RNF216: variants seen among roughly 807,000 people sequenced by gnomAD.
The protein encoded by RNF216 is ring finger protein 216, also known as E3 ubiquitin-protein ligase RNF216.
In RNF216, 72 loss-of-function variants were observed where a neutral mutation model predicts 110.8. The ratio of observed to expected loss-of-function variants is 0.65; its 90% CI spans 0.54 to 0.79. RNF216 has a LOEUF of 0.79. Among genes scored for constraint, RNF216 ranks in the 30% least tolerant of loss-of-function variants. The pLI, the probability that RNF216 is intolerant of heterozygous loss-of-function variation, is 0.00. For missense variants in RNF216, 1,342 were observed against 1,141.2 expected (o/e 1.18, Z -2.54); for synonymous variants, 495 against 407.5 (o/e 1.21, Z -2.59).
chr7:5,769,411 T>G (rs62455878), intron 1 of RNF216, among the ~76,000 whole-genome samples: 5 of 151,936 alleles, frequency 3.3e-5, no homozygotes, highest in Admixed American at 1.3e-4. Flanking sequence ...CCACCGCGCC[T>G]GGCCGCAAAT....
At chr7:5,639,498 T>C (rs927580062) in intron 15 of RNF216, among the ~76,000 whole-genome samples, 3 of 151,922 alleles carry the variant, frequency 2.0e-5, no homozygotes, top group Non-Finnish European at 4.4e-5. Flanking sequence ...GAGTCTCACA[T>C]TGTCACCCAG....
At chr7:5,640,591 T>A (rs1787678201) in intron 15 of RNF216, among the ~76,000 whole-genome samples, 1 of 152,188 alleles carries the variant, frequency 6.6e-6, no homozygotes, top group Admixed American at 6.5e-5. Context: ...AAAGCTTAAA[T>A]CAAGAAGAAA....
At chr7:5,733,149 G>C (rs190251184) in intron 5 of RNF216, 108 of 152,328 alleles carry the variant, frequency 7.1e-4, no homozygotes, top group African/African-American at 2.5e-3. Flanking sequence ...TTTAGTTGTG[G>C]AGTTAACACT....
At chr7:5,688,712 T>C (rs868767674) in intron 13 of RNF216, among the ~76,000 whole-genome samples, 1 of 152,172 alleles carries the variant, frequency 6.6e-6, no homozygotes, top group South Asian at 2.1e-4. Context: ...TCCATACTTA[T>C]TATCAGGCTT....
At chr7:5,753,395 A>G (rs1795435745) in intron 2 of RNF216, among the ~76,000 whole-genome samples, 1 of 152,168 alleles carries the variant, frequency 6.6e-6, no homozygotes, top group Non-Finnish European at 1.5e-5. Flanking sequence ...TAAAATTTTA[A>G]TTGTTTAAAA....
At chr7:5,769,763 G>A (rs1359585262) in intron 1 of RNF216, among the ~76,000 whole-genome samples, 3 of 151,648 alleles carry the variant, frequency 2.0e-5, no homozygotes, top group East Asian at 1.9e-4. Flanking sequence ...TCGGCCAGGC[G>A]TGGTGACTCA....
intron 13 of RNF216, among the ~76,000 whole-genome samples, chr7:5,671,741 G>A (rs1182686903): frequency 6.9e-6 from 1 of 145,744 alleles, no homozygotes; most frequent in African/African-American, 2.6e-5. Context: ...GAAGGCGGAG[G>A]TTGCAGTGAG....
chr7:5,765,968 GA>G (rs774023078), intron 1 of RNF216, among the ~76,000 whole-genome samples: 1 of 44,944 alleles, frequency 2.2e-5, no homozygotes, highest in Admixed American at 2.4e-4. Flanking sequence ...AAAAAAAAAA[GA>G]AAGAAAGAAA....
rs1020071690 is a variant in RNF216 at position 5,774,327 on chromosome 7, A to G, written c.-70+7214T>C. Among the ~76,000 whole-genome samples the G allele has an allele frequency of 3.3e-5, 5 of 152,326 alleles. No homozygotes were observed. In the South Asian group the frequency reaches 8.3e-4, roughly 25 times the overall value. The stretch of plus-strand genomic sequence containing the variant: ...TGGCATGTGCCCAAGTCCCAGCTTT[A>G]CTGTGGTTGCTGAAGCAAGAGAATC... On this transcript the variant is annotated intron_variant, in intron 1 of 16. Transcript: ENST00000389902.
At chr7:5,781,150 GCTC>G (rs1388488239) in intron 1 of RNF216, among the ~76,000 whole-genome samples, 2 of 151,914 alleles carry the variant, frequency 1.3e-5, no homozygotes, top group Non-Finnish European at 2.9e-5. Flanking sequence ...GCCTCCCGCC[GCTC>G]CTCCAGGCCG....
chr7:5,673,948 C>T (rs762438805), intron 13 of RNF216, among the ~76,000 whole-genome samples: 4 of 150,598 alleles, frequency 2.7e-5, no homozygotes, highest in Non-Finnish European at 5.9e-5. Flanking sequence ...GCAACATCTG[C>T]CTCTTGGGCT....
chr7:5,757,848 T>C (rs4720642), intron 2 of RNF216, among the ~76,000 whole-genome samples: 124,828 of 152,164 alleles, frequency 0.82, 53,019 homozygotes, highest in Non-Finnish European at 0.92. Context: ...CAGAGGTTGA[T>C]GCATAATAAA....
chr7:5,656,157 T>C (rs1189932155), intron 13 of RNF216, among the ~76,000 whole-genome samples: 1 of 152,144 alleles, frequency 6.6e-6, no homozygotes, highest in African/African-American at 2.4e-5. Flanking sequence ...TAATCCCAGC[T>C]ACTCTGGAAG....
chr7:5,711,907 T>A (rs1562418066), intron 12 of RNF216, 68 bp from the exon 13 acceptor site: 2 of 1,386,244 alleles, frequency 1.4e-6, no homozygotes, highest in Non-Finnish European at 2.0e-6. Flanking sequence ...CAGCTCCATG[T>A]GGCTGTTCAT....
At chr7:5,686,224 TAAAAAAAAAAAAA>T (rs71971690) in intron 13 of RNF216, among the ~76,000 whole-genome samples, 1 of 111,632 alleles carries the variant, frequency 9.0e-6, no homozygotes, top group Non-Finnish European at 1.8e-5. Context: ...ACTCTGTTAT[TAAAAAAAAAAAAA>T]AAAAAAAAAA....
Position 5,649,051 on chromosome 7 carries a change from G to C in RNF216, c.2159+3362C>G, listed in dbSNP as rs897140426. ...GAAATGACATGCTGTCAGGGATTTG[G>C]ATTTGCTTGAAAACACTATAGCAGT... On this transcript the variant is annotated intron_variant, in intron 14 of 16. Coordinates refer to ENST00000389902, the MANE Select transcript of RNF216 (RefSeq NM_207111.4). Among the ~76,000 whole-genome samples, 4 of 152,174 alleles carry C rather than the reference G, an allele frequency of 2.6e-5. 1 individual carries two copies. Among genetic ancestry groups the C allele is most frequent in the Non-Finnish European group, 4.4e-5 (3 of 68,032 alleles).
intron 7 of RNF216, among the ~76,000 whole-genome samples, chr7:5,726,438 G>A (rs1432696375): frequency 1.3e-5 from 2 of 152,096 alleles, no homozygotes; most frequent in Non-Finnish European, 2.9e-5. Context: ...TCTTCTCTGT[G>A]TGCACCTATA....
intron 9 of RNF216, among the ~76,000 whole-genome samples, chr7:5,719,640 T>C (rs1052828033): frequency 2.6e-5 from 4 of 152,358 alleles, no homozygotes; most frequent in South Asian, 2.1e-4. Flanking sequence ...TCTGATAAGA[T>C]TGGTGATATC....
intron 11 of RNF216, among the ~76,000 whole-genome samples, chr7:5,714,055 T>C (rs1584497377): frequency 1.3e-5 from 2 of 152,158 alleles, no homozygotes; most frequent in African/African-American, 4.8e-5. Flanking sequence ...AAGGCTGGAG[T>C]GCAGTGGTGC....
Sources: allele counts gnomAD v4.1 joint callset (sites outside exome capture counted in the v4.1 genomes callset), GRCh38; gene constraint gnomAD v4.1.1; transcripts MANE v1.5; gene names NCBI Gene and HGNC (gene_info 2026-07-23, HGNC 2026-07-21).